VPS13C: variants seen among roughly 807,000 people sequenced by gnomAD.
The protein encoded by VPS13C is intermembrane lipid transfer protein VPS13C.
A neutral mutation model predicts 456.8 loss-of-function variants in VPS13C; 358 were observed. The observed-to-expected ratio is 0.78, with a 90% CI of 0.72 to 0.86. The LOEUF is 0.86. Ranked by LOEUF, VPS13C falls within the 40% of genes least tolerant of loss-of-function variation. VPS13C has a pLI of 0.00. For missense variants in VPS13C, 4,818 were observed against 4,385.4 expected (o/e 1.10, Z -2.79); for synonymous variants, 1,578 against 1,486.7 (o/e 1.06, Z -1.41).
chr15:61,984,882 G>A lies in VPS13C; in HGVS notation c.1696C>T (p.Gln566Ter). Reference protein sequence around the residue: ...QIIGLGTQVSQRPGAQALKVE... With the variant: ...QIIGLGTQVS The stretch of plus-strand genomic sequence containing the variant: ...TTAAGTGCTTGTGCTCCTGGTCGCT[G>A]AGATACTTGAGTGCCCAGGCCAATT... The change falls in exon 19 of 85, where the codon CAG (glutamine) becomes TAG (stop). Residue 566 changes from glutamine to a stop codon, truncating the protein, a stop_gained. Coordinates refer to ENST00000644861, the MANE Select transcript of VPS13C (RefSeq NM_020821.3). LOFTEE classifies it high-confidence loss of function. 6.2e-7 allele frequency: 1 copy of A among 1,613,156 alleles called. No individual in the cohort carries two copies. Among genetic ancestry groups the A allele is most frequent in the Non-Finnish European group, 8.5e-7 (1 of 1,179,758 alleles).
At chr15:61,939,895 G>T (rs1008279401) in intron 47 of VPS13C, among the ~76,000 whole-genome samples, 1 of 151,802 alleles carries the variant, frequency 6.6e-6, no homozygotes, top group African/African-American at 2.4e-5. Context: ...TCAGGAGGCT[G>T]AGGCAGGAGA....
chr15:61,917,526 TGC>T lies in VPS13C; in HGVS notation c.7868_7869del (p.Cys2623TyrfsTer23). 6.2e-7 allele frequency: 1 copy of T among 1,614,064 alleles called. No individual in the cohort carries two copies. The highest frequency in any genetic ancestry group is 8.5e-7 in the Non-Finnish European group (1 of 1,179,920). On this transcript the variant is annotated frameshift_variant, in exon 60 of 85. Transcript: ENST00000644861. LOFTEE classifies it high-confidence loss of function. ...EELHRSREVR[C>X]MLQCPSVEVS... ...ACTTCTACTGATGGACACTGCAACA[TGC>T]ATCTGACTTCCCTGCTCCTATGAAG...
chr15:61,959,660 A>AC, intron 35 of VPS13C, 65 bp from the exon 36 acceptor site: 2 of 1,505,592 alleles, frequency 1.3e-6, no homozygotes, highest in South Asian at 2.5e-5. Flanking sequence ...TATTAAAAAA[A>AC]AGCAAAGTCA....
chr15:61,874,974 A>C, intron 76 of VPS13C, 23 bp from the exon 77 acceptor site: 1 of 1,526,328 alleles, frequency 6.6e-7, no homozygotes, highest in Non-Finnish European at 8.7e-7. Flanking sequence ...AATAAAAAAT[A>C]ATCTTATTAT....
chr15:61,882,051 C>T (rs1895895737), intron 69 of VPS13C, among the ~76,000 whole-genome samples: 1 of 152,064 alleles, frequency 6.6e-6, no homozygotes, highest in South Asian at 2.1e-4. Context: ...ATTGTATTAA[C>T]AGTGTGCAGT....
At chr15:61,982,821 T>C (rs375477287) in intron 20 of VPS13C, among the ~76,000 whole-genome samples, 1 of 152,186 alleles carries the variant, frequency 6.6e-6, no homozygotes, top group African/African-American at 2.4e-5. Flanking sequence ...TACAGCGTCA[T>C]ATGGATGTAG....
chr15:61,856,273 C>T lies in VPS13C; in HGVS notation c.11076+13G>A. The T allele has an allele frequency of 6.2e-7, 1 of 1,612,442 alleles. No homozygotes were observed. The highest frequency in any genetic ancestry group is 1.7e-5 in the Admixed American group (1 of 59,866). On this transcript the variant is annotated intron_variant, in intron 83 of 84. Coordinates refer to ENST00000644861, the MANE Select transcript of VPS13C (RefSeq NM_020821.3). The stretch of plus-strand genomic sequence containing the variant: ...TGAACTCTTAGCTCTAAAGGTGTGA[C>T]ATGTTTTCTTACCTTAACTGAAATT...
intron 24 of VPS13C, among the ~76,000 whole-genome samples, chr15:61,974,818 C>T (rs1195182978): frequency 6.6e-6 from 1 of 152,114 alleles, no homozygotes; most frequent in Non-Finnish European, 1.5e-5. Context: ...CTTGGCAGCA[C>T]CTGACATATC....
rs1428911259 is a variant in VPS13C at position 62,007,254 on chromosome 15, T to C, written c.1290+54A>G. On this transcript the variant is annotated intron_variant, in intron 15 of 84. Transcript: ENST00000644861. Reference sequence around the variant, plus strand: ...TTGATTCAAATTACATGCAGAAGAATATTAAAGGATGATTAGACAAATAAT... The same window carrying C: ...TTGATTCAAATTACATGCAGAAGAACATTAAAGGATGATTAGACAAATAAT... The C allele has an allele frequency of 7.5e-5, 93 of 1,240,670 alleles. No homozygotes were observed. In the East Asian group the frequency reaches 2.6e-3, roughly 34 times the overall value. 76.9% of individuals were successfully genotyped at this position (1,240,670 alleles called of 1,614,324 possible).
In VPS13C at chr15:61,962,442, C is replaced by G; in HGVS notation, c.3532G>C (p.Asp1178His). 6.2e-7 allele frequency: 1 copy of G among 1,611,626 alleles called. No homozygotes were observed. The highest frequency in any genetic ancestry group is 8.5e-7 in the Non-Finnish European group (1 of 1,178,524). The change falls in exon 34 of 85, where the codon GAT (aspartate) becomes CAT (histidine). Residue 1178 changes from aspartate (D) to histidine (H), a missense_variant. By Grantham distance (81) the Asp-to-His change is moderately conservative. Around this residue, in one of 3 missense-constraint regions of VPS13C, gnomAD observed 4,552 missense variants for 4,130.6 expected, o/e 1.10. Coordinates refer to ENST00000644861, the MANE Select transcript of VPS13C (RefSeq NM_020821.3). ...GDLYTDMSKV[D>H]GVLSLNVGCI... Reference sequence around the variant, plus strand: ...CCAACATTCAGAGACAGCACACCATCCACTTTGGACATGTCAGTATACAAA... The same window carrying G: ...CCAACATTCAGAGACAGCACACCATGCACTTTGGACATGTCAGTATACAAA...
In VPS13C at chr15:61,945,721, A is replaced by T. The variant is rs2044582251; in HGVS notation, c.5142T>A (p.Ser1714=). 5 of 1,581,490 alleles carry T rather than the reference A, an allele frequency of 3.2e-6. No individual in the cohort carries two copies. Among genetic ancestry groups the T allele is most frequent in the Non-Finnish European group, 4.3e-6 (5 of 1,170,004 alleles). The part of the protein sequence containing the change: ...QIVYVHKFFM[S]LLNFLNNFQT... ...TATATTTTTAAAAACTTACCAAAAG[A>T]GACATGAAGAATTTATGAACATAAA... Residue 1714 remains serine (S), a synonymous_variant, in exon 45 of 85, where the codon TCT becomes TCA. Coordinates refer to ENST00000644861, the MANE Select transcript of VPS13C (RefSeq NM_020821.3).
At chr15:61,871,773 C>T (rs1271144329) in intron 79 of VPS13C, among the ~76,000 whole-genome samples, 1 of 152,118 alleles carries the variant, frequency 6.6e-6, no homozygotes, top group Non-Finnish European at 1.5e-5. Context: ...ATCTCTGGCC[C>T]TGCTAAAAAT....
At chr15:61,877,784 G>T (rs1268688466) in intron 74 of VPS13C, among the ~76,000 whole-genome samples, 1 of 151,794 alleles carries the variant, frequency 6.6e-6, no homozygotes, top group Non-Finnish European at 1.5e-5. Flanking sequence ...TAAAATCTTT[G>T]ATAATTTGCT....
intron 2 of VPS13C, among the ~76,000 whole-genome samples, chr15:62,042,140 C>A (rs116602035): frequency 0.012 from 1,803 of 152,042 alleles, 36 homozygotes; most frequent in African/African-American, 0.041. Context: ...AGCTAGATTC[C>A]CAATATATTA....
rs1405858766 is a variant in VPS13C at position 61,947,210 on chromosome 15, G to T, written c.4859C>A (p.Ala1620Glu). The part of the protein sequence containing the change: ...VFVCDQKCNI[A>E]DIKIHGMDAS... ...CTACTTACCATGTATTTTAATATCT[G>T]CAATGTTACACTTCTGATCACAGAC... Residue 1620 changes from alanine to glutamate, a missense_variant, in exon 43 of 85, where the codon GCA becomes GAA. Physicochemically the swap from Ala to Glu is moderately radical, Grantham distance 107. This residue lies in a region of VPS13C where 4,552 missense variants were observed against 4,130.6 expected (regional missense o/e 1.10). Coordinates refer to ENST00000644861, the MANE Select transcript of VPS13C (RefSeq NM_020821.3). The T allele has an allele frequency of 6.3e-7, 1 of 1,589,084 alleles. No individual in the cohort carries two copies. The highest frequency in any genetic ancestry group is 8.5e-7 in the Non-Finnish European group (1 of 1,169,704).
At position 61,919,975 on chromosome 15, in the gene VPS13C, AT is replaced by A. The variant is rs1176754675; in HGVS notation, c.7477+91del. On this transcript the variant is annotated intron_variant, in intron 57 of 84. Transcript: ENST00000644861. ...TGTTTCAAATGTTGTATCTCCAGAT[AT>A]CTGCAGCAAAATGTTTTTTCACATT... is the stretch of plus-strand genomic sequence containing the variant. 18 of 1,237,730 alleles carry A rather than the reference AT, an allele frequency of 1.5e-5. No homozygotes were observed. In the African/African-American group the frequency reaches 2.6e-4, roughly 18 times the overall value. The allele number at this position is 1,237,730 out of a possible 1,614,324, so 76.7% of individuals were successfully genotyped here.
chr15:61,956,387 C>T (rs2044999443), intron 37 of VPS13C, among the ~76,000 whole-genome samples: 1 of 151,982 alleles, frequency 6.6e-6, no homozygotes, highest in Non-Finnish European at 1.5e-5. Flanking sequence ...ATGCTCACTA[C>T]CTGGGTAATG....
At chr15:62,010,375 C>G in intron 13 of VPS13C, 97 bp downstream of exon 13, 1 of 1,304,678 alleles carries the variant, frequency 7.7e-7, no homozygotes, top group Non-Finnish European at 1.0e-6. Flanking sequence ...ATAACAAACC[C>G]CAAAAAACCA....
chr15:62,011,912 T>A (rs964909531), intron 12 of VPS13C, among the ~76,000 whole-genome samples, 195 bp downstream of exon 12: 7 of 152,016 alleles, frequency 4.6e-5, no homozygotes, highest in African/African-American at 1.7e-4. Context: ...CTTCTCTCTC[T>A]CTTATTCTCC....
Sources: allele counts gnomAD v4.1 joint callset (sites outside exome capture counted in the v4.1 genomes callset), GRCh38; gene constraint gnomAD v4.1.1; regional missense constraint gnomAD v4.1.1; transcripts MANE v1.5; gene names NCBI Gene and HGNC (gene_info 2026-07-23, HGNC 2026-07-21).